PATJ: variants seen among roughly 807,000 people sequenced by gnomAD.
PATJ encodes the protein inaD-like protein.
PATJ carries 190 observed loss-of-function variants against 224.9 expected under a neutral mutation model. The observed-to-expected ratio is 0.84, with a 90% CI of 0.75 to 0.95. The LOEUF (loss-of-function observed/expected upper bound fraction) is 0.95, where lower values mean the gene tolerates loss of function less well. Among genes scored for constraint, PATJ ranks in the 40% least tolerant of loss-of-function variants. The pLI is 0.00. For synonymous variants in PATJ, 769 were observed against 820.3 expected, an observed-to-expected ratio of 0.94 and a Z score of 1.07; for missense variants, 2,121 against 2,270.3, an observed-to-expected ratio of 0.93 and a Z score of 1.34.
At chr1:62,123,163 C>T (rs966842393) in intron 39 of PATJ, 105 bp downstream of exon 39, 4 of 768,790 alleles carry the variant, frequency 5.2e-6, no homozygotes, top group South Asian at 1.8e-5. Context: ...TGTGCTCTTT[C>T]AAGTTACTGA....
intron 31 of PATJ, among the ~76,000 whole-genome samples, chr1:62,061,505 T>C (rs532571956): frequency 4.6e-5 from 7 of 151,702 alleles, no homozygotes; most frequent in Non-Finnish European, 7.4e-5. Flanking sequence ...TTTATGTCCA[T>C]GTGTATCCAG....
intron 29 of PATJ, among the ~76,000 whole-genome samples, chr1:62,023,325 T>G (rs1343241483): frequency 6.6e-6 from 1 of 152,046 alleles, no homozygotes; most frequent in Non-Finnish European, 1.5e-5. Context: ...GTGCTCTTGA[T>G]TCATTAGATC....
rs544478040 is a variant in PATJ at position 61,959,246 on chromosome 1, C to T, written c.3671-30922C>T. ...TTTTTGAAAGAAATTAGTATGGGACCGGGGATTACATAGCAGATAATAAAT... is the reference window on the plus strand; with the variant it reads ...TTTTTGAAAGAAATTAGTATGGGACTGGGGATTACATAGCAGATAATAAAT... On this transcript the variant is annotated intron_variant, in intron 27 of 43. Coordinates refer to ENST00000642238, the MANE Select transcript of PATJ (RefSeq NM_001350145.3). Among the ~76,000 whole-genome samples the T allele has an allele frequency of 1.7e-4, 26 of 151,480 alleles. 1 individual carries two copies. The South Asian group carries it at 1.9e-3, about 11-fold the overall frequency.
At chr1:61,764,985 C>T (rs1646177702) in intron 3 of PATJ, among the ~76,000 whole-genome samples, 1 of 148,894 alleles carries the variant, frequency 6.7e-6, no homozygotes. Flanking sequence ...GTTATGTACA[C>T]AGTCATATTT....
chr1:62,148,120 TTAAAAA>T (rs1668248179), intron 41 of PATJ, among the ~76,000 whole-genome samples, 158 bp from the exon 42 acceptor site: 7 of 108,498 alleles, frequency 6.5e-5, no homozygotes, highest in African/African-American at 1.4e-4. Flanking sequence ...GACACTGTCT[TTAAAAA>T]AAAAAAAAAA....
intron 28 of PATJ, among the ~76,000 whole-genome samples, chr1:62,013,810 G>A (rs942029132): frequency 1.6e-4 from 24 of 152,126 alleles, no homozygotes; most frequent in African/African-American, 5.6e-4. Context: ...GTCTTGCTCT[G>A]TTGCCCAGGC....
At chr1:61,834,826 T>G (rs1303623643) in intron 17 of PATJ, among the ~76,000 whole-genome samples, 2 of 152,152 alleles carry the variant, frequency 1.3e-5, no homozygotes, top group African/African-American at 4.8e-5. Flanking sequence ...TCTCCCTGGT[T>G]CAAGTGATTC....
At chr1:61,825,696 TACC>T (rs1383867073) in intron 15 of PATJ, among the ~76,000 whole-genome samples, 1 of 152,146 alleles carries the variant, frequency 6.6e-6, no homozygotes, top group Non-Finnish European at 1.5e-5. Flanking sequence ...TGAGGAGGAC[TACC>T]AGGCACTGGT....
chr1:61,861,325 C>CTTTT (rs1399008699), intron 18 of PATJ, among the ~76,000 whole-genome samples: 1 of 46,516 alleles, frequency 2.1e-5, no homozygotes, highest in Admixed American at 2.4e-4. Context: ...TGAATCTTTT[C>CTTTT]TTTTTTCTTT....
At chr1:62,153,007 A>G (rs1187192393) in intron 42 of PATJ, among the ~76,000 whole-genome samples, 1 of 151,712 alleles carries the variant, frequency 6.6e-6, no homozygotes, top group Non-Finnish European at 1.5e-5. Flanking sequence ...GGTATGGCAC[A>G]CACCCATAGT....
In PATJ at chr1:61,795,627, T is replaced by A. The variant is rs1049565735; in HGVS notation, c.1260+69T>A. 1.1e-5 allele frequency: 10 copies of A among 897,638 alleles called. No individual in the cohort carries two copies. In the Admixed American group the frequency reaches 2.0e-4, roughly 18 times the overall value. 55.6% of individuals were successfully genotyped at this position (897,638 alleles called of 1,614,324 possible). On this transcript the variant is annotated intron_variant, in intron 10 of 43. Transcript: ENST00000642238. The stretch of plus-strand genomic sequence containing the variant: ...AAAGGTTGATCATTATTATAATACA[T>A]GTGAGAGGGGGAATAGCTTAATATA...
intron 17 of PATJ, among the ~76,000 whole-genome samples, chr1:61,851,481 G>A (rs1662794268): frequency 6.6e-6 from 1 of 152,082 alleles, no homozygotes; most frequent in Non-Finnish European, 1.5e-5. Context: ...CAATACCTGG[G>A]ATAAAGTGTT....
At chr1:61,999,442 C>G (rs1232536970) in intron 28 of PATJ, among the ~76,000 whole-genome samples, 1 of 152,002 alleles carries the variant, frequency 6.6e-6, no homozygotes, top group African/African-American at 2.4e-5. Context: ...CTGAGGTGGG[C>G]AGATCACCTG....
At chr1:61,924,715 T>C (rs887598493) in intron 26 of PATJ, among the ~76,000 whole-genome samples, 4 of 152,230 alleles carry the variant, frequency 2.6e-5, no homozygotes, top group South Asian at 2.1e-4. Flanking sequence ...TTTATTAATA[T>C]GCTCTGAAGG....
chr1:62,093,236 A>G (rs1661001857), intron 33 of PATJ, among the ~76,000 whole-genome samples: 6 of 152,170 alleles, frequency 3.9e-5, no homozygotes. Context: ...TAGAAATTGA[A>G]ATAAAGAATA....
intron 28 of PATJ, among the ~76,000 whole-genome samples, chr1:62,008,408 T>C (rs1339812443): frequency 3.3e-5 from 5 of 152,226 alleles, no homozygotes; most frequent in African/African-American, 1.2e-4. Context: ...ATTAAATCAC[T>C]TCCCATAGTC....
chr1:61,901,605 G>A (rs1671161454), intron 24 of PATJ, 146 bp downstream of exon 24: 1 of 566,522 alleles, frequency 1.8e-6, no homozygotes, highest in East Asian at 3.5e-5. Context: ...TTTGTACATT[G>A]TATGCACAAT....
Position 61,902,595 on chromosome 1 carries a change from A to C in PATJ, c.3381+1136A>C, listed in dbSNP as rs76941238. Among the ~76,000 whole-genome samples, 417 of 152,318 alleles carry C rather than the reference A, an allele frequency of 2.7e-3. 3 individuals carry two copies. The highest frequency in any genetic ancestry group is 9.6e-3 in the African/African-American group (399 of 41,578). ...ACTACATAAAAGCTTGTCTGTATATACAAATGTTGAGTTATATTTGTGCTG... is the reference window on the plus strand; with the variant it reads ...ACTACATAAAAGCTTGTCTGTATATCCAAATGTTGAGTTATATTTGTGCTG... On this transcript the variant is annotated intron_variant, in intron 24 of 43. Coordinates refer to ENST00000642238, the MANE Select transcript of PATJ (RefSeq NM_001350145.3).
At position 61,764,172 on chromosome 1, in the gene PATJ, A is replaced by G. The variant is rs963001454; in HGVS notation, c.189+993A>G. Among the ~76,000 whole-genome samples the G allele has an allele frequency of 2.0e-5, 3 of 152,240 alleles. No individual in the cohort carries two copies. The East Asian group carries it at 5.8e-4, about 29-fold the overall frequency. On this transcript the variant is annotated intron_variant, in intron 3 of 43. Coordinates refer to ENST00000642238, the MANE Select transcript of PATJ (RefSeq NM_001350145.3). ...CTCGCCCGGCCGAAGTCTTTTATCT[A>G]ACAAGAAGTGATCATGCCCTTATAG...
Sources: gnomAD v4.1 joint callset for allele counts (sites outside exome capture counted in the v4.1 genomes callset) on GRCh38, gnomAD v4.1.1 for gene constraint, MANE v1.5 for transcripts, NCBI Gene and HGNC (gene_info 2026-07-23, HGNC 2026-07-21) for gene names.